PDE1C: variants seen among roughly 807,000 people sequenced by gnomAD.
The protein encoded by PDE1C is dual specificity calcium/calmodulin-dependent 3',5'-cyclic nucleotide phosphodiesterase 1C.
Under a neutral mutation model 93.1 loss-of-function variants are expected in PDE1C, and 62 were observed. The ratio of observed to expected loss-of-function variants is 0.67; its 90% CI spans 0.54 to 0.82. The LOEUF is 0.82. Among genes scored for constraint, PDE1C ranks in the 40% least tolerant of loss-of-function variants. The probability of loss-of-function intolerance (pLI) is 0.00; values close to 1 mark genes in which losing one functional copy is unlikely to be tolerated. For synonymous variants in PDE1C, 325 were observed against 310.1 expected, an observed-to-expected ratio of 1.05 and a Z score of -0.50; for missense variants, 742 against 884.6, an observed-to-expected ratio of 0.84 and a Z score of 2.04.
intron 1 of PDE1C, among the ~76,000 whole-genome samples, chr7:32,394,943 C>A (rs1405096819): frequency 2.0e-5 from 3 of 152,152 alleles, no homozygotes; most frequent in Non-Finnish European, 4.4e-5. Context: ...TGATTGGAAG[C>A]TTTCTGAGTT....
chr7:31,987,707 A>C (rs1783600339), intron 2 of PDE1C, among the ~76,000 whole-genome samples: 1 of 152,216 alleles, frequency 6.6e-6, no homozygotes, highest in African/African-American at 2.4e-5. Context: ...TATCGTTAGA[A>C]GCACACAAAG....
chr7:32,082,994 C>G (rs1475898121), intron 3 of PDE1C, among the ~76,000 whole-genome samples: 1 of 151,110 alleles, frequency 6.6e-6, no homozygotes, highest in Non-Finnish European at 1.5e-5. Flanking sequence ...TGGAACAAAG[C>G]TGGACGGAGA....
intron 14 of PDE1C, among the ~76,000 whole-genome samples, chr7:31,822,771 C>T (rs540725408): frequency 1.3e-5 from 2 of 152,106 alleles, no homozygotes; most frequent in East Asian, 3.9e-4. Context: ...CAAGTGAAAA[C>T]GACAAGATGT....
At chr7:31,667,572 G>A in the PDE1C span, among the ~76,000 whole-genome samples, 2 of 152,088 alleles carry the variant, frequency 1.3e-5, no homozygotes, top group African/African-American at 4.8e-5. Flanking sequence ...AGGGAGATAG[G>A]CCTTGCTTTC....
intron 2 of PDE1C, among the ~76,000 whole-genome samples, chr7:31,974,743 G>A (rs1488946001): frequency 6.6e-6 from 1 of 152,198 alleles, no homozygotes; most frequent in Non-Finnish European, 1.5e-5. Flanking sequence ...AAAACCTGTA[G>A]TGTGGGAATT....
intron 1 of PDE1C, among the ~76,000 whole-genome samples, chr7:32,367,999 T>C (rs917263656): frequency 2.7e-5 from 4 of 148,860 alleles, no homozygotes; most frequent in Admixed American, 2.7e-4. Flanking sequence ...ATAAATTAGG[T>C]ATAGAAGGAA....
intron 3 of PDE1C, among the ~76,000 whole-genome samples, chr7:32,084,168 A>C (rs562036544): frequency 1.5e-3 from 226 of 152,020 alleles, no homozygotes; most frequent in African/African-American, 4.9e-3. Flanking sequence ...TCTACCAAGC[A>C]AATGGAAAAC....
the PDE1C span, chr7:31,652,006 C>T: frequency 1.9e-6 from 3 of 1,605,242 alleles, no homozygotes; most frequent in South Asian, 1.1e-5. Flanking sequence ...GTTGGAATTT[C>T]AGTTAGGAGA....
At chr7:32,402,069 T>C (rs1784955056) in intron 1 of PDE1C, among the ~76,000 whole-genome samples, 1 of 152,204 alleles carries the variant, frequency 6.6e-6, no homozygotes, top group Non-Finnish European at 1.5e-5. Flanking sequence ...TTGTTTTCCC[T>C]ATTTAATAAA....
chr7:32,097,969 G>T (rs1448916557), intron 3 of PDE1C, among the ~76,000 whole-genome samples: 6 of 149,608 alleles, frequency 4.0e-5, no homozygotes, highest in Non-Finnish European at 8.8e-5. Flanking sequence ...GGTGGCTCAC[G>T]CCTGTAATCC....
At chr7:32,181,851 G>C (rs923520908) in intron 2 of PDE1C, among the ~76,000 whole-genome samples, 13 of 152,196 alleles carry the variant, frequency 8.5e-5, no homozygotes, top group African/African-American at 3.1e-4. Flanking sequence ...AAAAATCAAT[G>C]AATCCAGGAG....
chr7:32,136,316 T>TA (rs1462353821), intron 3 of PDE1C, among the ~76,000 whole-genome samples: 2 of 151,982 alleles, frequency 1.3e-5, no homozygotes, highest in African/African-American at 4.8e-5. Flanking sequence ...GACAGATATT[T>TA]AAAAAAAATT....
chr7:31,964,701 A>AC (rs1359173662), intron 2 of PDE1C, among the ~76,000 whole-genome samples: 1 of 152,050 alleles, frequency 6.6e-6, no homozygotes, highest in Non-Finnish European at 1.5e-5. Flanking sequence ...CTGGGAGGCA[A>AC]CCCCCCAATA....
At chr7:32,249,056 C>T (rs544984491) in intron 1 of PDE1C, among the ~76,000 whole-genome samples, 2 of 152,070 alleles carry the variant, frequency 1.3e-5, no homozygotes, top group South Asian at 4.2e-4. Flanking sequence ...TCCAGGACCA[C>T]TATAAAGATG....
intron 1 of PDE1C, among the ~76,000 whole-genome samples, chr7:32,398,483 G>A (rs1428117754): frequency 6.6e-6 from 1 of 151,292 alleles, no homozygotes; most frequent in African/African-American, 2.4e-5. Flanking sequence ...CCACTACCTG[G>A]GTTCAAGTGA....
Position 31,791,227 on chromosome 7 carries a change from C to T in PDE1C, c.1892-15495G>A, listed in dbSNP as rs185252102. Among the ~76,000 whole-genome samples the T allele has an allele frequency of 8.0e-4, 121 of 152,180 alleles. 2 individuals carry two copies. Among genetic ancestry groups the T allele is most frequent in the Middle Eastern group, 3.4e-3 (1 of 294 alleles). ...TAATTACAGTCAATTCTCAATTTTC[C>T]AGGGGCCATTGATCCAAGCTTCCTG... On this transcript the variant is annotated intron_variant, in intron 16 of 17. Coordinates refer to ENST00000396191, the MANE Select transcript of PDE1C (RefSeq NM_001191057.4).
rs73318324 is a variant in PDE1C at position 32,024,465 on chromosome 7, G to C, written c.128+27089C>G. 9.4e-3 allele frequency among the ~76,000 whole-genome samples: 1,415 copies of C among 150,752 alleles called. 20 individuals carry two copies. The highest frequency in any genetic ancestry group is 0.033 in the African/African-American group (1,355 of 41,004). The stretch of plus-strand genomic sequence containing the variant: ...TTAGTAAGAGCCTGGGACTCAAGAA[G>C]TATTCATTCTCTTCCAATAAGCAAA... On this transcript the variant is annotated intron_variant, in intron 2 of 17. Transcript: ENST00000396191.
intron 1 of PDE1C, among the ~76,000 whole-genome samples, chr7:32,399,886 A>T (rs1222953419): frequency 6.6e-6 from 1 of 152,004 alleles, no homozygotes; most frequent in East Asian, 1.9e-4. Flanking sequence ...ACCAGGCCTG[A>T]CTTCATTTAA....
At chr7:31,832,221 GATTAA>G (rs905596553) in intron 11 of PDE1C, among the ~76,000 whole-genome samples, 3 of 152,240 alleles carry the variant, frequency 2.0e-5, no homozygotes, top group Non-Finnish European at 1.5e-5. Flanking sequence ...TATAGACACG[GATTAA>G]ATTAAAAGAA....
Sources: allele counts gnomAD v4.1 joint callset (sites outside exome capture counted in the v4.1 genomes callset), GRCh38; gene constraint gnomAD v4.1.1; transcripts MANE v1.5; gene names NCBI Gene and HGNC (gene_info 2026-07-23, HGNC 2026-07-21).